FRYL: variants seen among roughly 807,000 people sequenced by gnomAD.
FRYL encodes protein furry homolog-like.
In FRYL, 150 loss-of-function variants were observed where a neutral mutation model predicts 351.2. The ratio of observed to expected loss-of-function variants is 0.43; its 90% CI spans 0.37 to 0.49. The LOEUF is 0.49. FRYL is among the 20% of genes least tolerant of loss of function. The pLI, the probability that FRYL is intolerant of heterozygous loss-of-function variation, is 0.00. For missense variants in FRYL, 3,036 were observed against 3,619.3 expected, an observed-to-expected ratio of 0.84 and a Z score of 4.13; for synonymous variants, 1,153 against 1,257.1, an observed-to-expected ratio of 0.92 and a Z score of 1.75.
intron 3 of FRYL, among the ~76,000 whole-genome samples, chr4:48,675,175 G>C (rs1268949138): frequency 6.6e-6 from 1 of 152,172 alleles, no homozygotes; most frequent in Non-Finnish European, 1.5e-5. Context: ...GTGACAGCGC[G>C]CTGGCAGTCC....
chr4:48,536,227 T>C (rs1372459122), intron 47 of FRYL, among the ~76,000 whole-genome samples: 2 of 152,140 alleles, frequency 1.3e-5, no homozygotes, highest in Non-Finnish European at 2.9e-5. Flanking sequence ...GGCTCCGAGC[T>C]GCTGTGACTG....
chr4:48,517,953 C>T (rs560149959), intron 55 of FRYL, among the ~76,000 whole-genome samples: 16 of 152,106 alleles, frequency 1.1e-4, no homozygotes, highest in African/African-American at 3.9e-4. Context: ...TCTACTTTTT[C>T]TTTTGGTACA....
At chr4:48,682,981 C>A (rs761602739) in intron 3 of FRYL, among the ~76,000 whole-genome samples, 3 of 152,086 alleles carry the variant, frequency 2.0e-5, no homozygotes, top group Admixed American at 6.6e-5. Context: ...ATGTATATTG[C>A]GGCACTGTTC....
chr4:48,673,243 T>C (rs775199143), intron 3 of FRYL, among the ~76,000 whole-genome samples: 1 of 152,370 alleles, frequency 6.6e-6, no homozygotes, highest in South Asian at 2.1e-4. Context: ...CAACTGATCA[T>C]TAAAGACAGT....
intron 6 of FRYL, among the ~76,000 whole-genome samples, chr4:48,619,697 T>C (rs1750264938): frequency 6.6e-6 from 1 of 152,028 alleles, no homozygotes; most frequent in South Asian, 2.1e-4. Context: ...AGAAGGGATC[T>C]CCCTATATTG....
intron 3 of FRYL, among the ~76,000 whole-genome samples, chr4:48,643,004 T>C (rs1249657013): frequency 4.6e-5 from 7 of 152,252 alleles, no homozygotes; most frequent in East Asian, 1.9e-4. Flanking sequence ...GCAACAAGAA[T>C]GTTGTTTTCA....
Position 48,583,915 on chromosome 4 carries a change from GA to G in FRYL, c.1749-1182del, listed in dbSNP as rs1201038394. On this transcript the variant is annotated intron_variant, in intron 19 of 63. Coordinates refer to ENST00000358350, the MANE Select transcript of FRYL (RefSeq NM_015030.2). ...GCAAGACATCATCTCAAAAAAAAAA[GA>G]AAAAAAAAAATGTGTTGACTCTGCA... Among the ~76,000 whole-genome samples, 270 of 141,474 alleles carry G rather than the reference GA, an allele frequency of 1.9e-3. 1 individual carries two copies. Among genetic ancestry groups the G allele is most frequent in the Middle Eastern group, 7.0e-3 (2 of 286 alleles). 92.8% of individuals were successfully genotyped at this position (141,474 alleles called of 152,430 possible). A position where few individuals can be genotyped will look rare whatever the true frequency, so the allele number is the denominator to read the frequency against.
At chr4:48,737,412 A>G (rs1771570836) in intron 1 of FRYL, among the ~76,000 whole-genome samples, 1 of 152,174 alleles carries the variant, frequency 6.6e-6, no homozygotes. Flanking sequence ...GAAAGCCATA[A>G]TCTACCAAAA....
chr4:48,737,866 G>A (rs1350730825), intron 1 of FRYL, among the ~76,000 whole-genome samples: 1 of 152,198 alleles, frequency 6.6e-6, no homozygotes, highest in Non-Finnish European at 1.5e-5. Flanking sequence ...TAAGTCATGT[G>A]ATCATATAAA....
rs1756133820 is a variant in FRYL, at chr4:48,645,124, T to TATATATATATATATATATA, written c.-80-10635_-80-10634insTATATATATATATATATAT. ...ATTAAACCAGCAGTGAGCTTTCATT[T>TATATATATATATATATATA]TATATATATATATATATATATATAT... On this transcript the variant is annotated intron_variant, in intron 3 of 63. Transcript: ENST00000358350. Among the ~76,000 whole-genome samples, 35 of 105,468 alleles carry TATATATATATATATATATA rather than the reference T, an allele frequency of 3.3e-4. 1 individual carries two copies. The highest frequency in any genetic ancestry group is 6.8e-4 in the African/African-American group (22 of 32,504). The allele number at this position is 105,468 out of a possible 152,430, so 69.2% of individuals were successfully genotyped here.
chr4:48,601,994 A>AT (rs1176865979), intron 13 of FRYL, 26 bp downstream of exon 13: 22 of 1,261,956 alleles, frequency 1.7e-5, no homozygotes, highest in Non-Finnish European at 2.4e-5. Flanking sequence ...CAGTATTTAC[A>AT]TATCAGAAGT....
intron 3 of FRYL, among the ~76,000 whole-genome samples, chr4:48,643,948 A>AT (rs879512102): frequency 5.7e-4 from 84 of 147,688 alleles, no homozygotes; most frequent in African/African-American, 9.4e-4. Flanking sequence ...TCCAACTAAA[A>AT]TTTTTTTTTT....
At chr4:48,505,111 A>T (rs530856828) in intron 60 of FRYL, among the ~76,000 whole-genome samples, 1 of 152,304 alleles carries the variant, frequency 6.6e-6, no homozygotes, top group African/African-American at 2.4e-5. Flanking sequence ...CCTTATATTA[A>T]AGAAAAACAT....
chr4:48,646,853 T>C (rs1002844091), intron 3 of FRYL, among the ~76,000 whole-genome samples: 11 of 152,086 alleles, frequency 7.2e-5, no homozygotes, highest in African/African-American at 2.7e-4. Flanking sequence ...AGATGGTACC[T>C]AGAGAATATG....
chr4:48,726,330 G>C (rs1397543959), intron 1 of FRYL, among the ~76,000 whole-genome samples: 3 of 152,198 alleles, frequency 2.0e-5, no homozygotes, highest in African/African-American at 7.2e-5. Context: ...GTTGAAGTTA[G>C]ACACAGTCAT....
chr4:48,640,590 T>C lies in FRYL; in HGVS notation c.-80-6100A>G, dbSNP rs140838560. 4.0e-3 allele frequency among the ~76,000 whole-genome samples: 608 copies of C among 152,250 alleles called. 1 individual carries two copies. The highest frequency in any genetic ancestry group is 6.4e-3 in the Non-Finnish European group (436 of 68,000). The stretch of plus-strand genomic sequence containing the variant: ...TATGGTGGATACATGTCATTATACA[T>C]CTGTCAAAACCTACAGAATGTGCAA... On this transcript the variant is annotated intron_variant, in intron 3 of 63. Transcript: ENST00000358350.
Position 48,752,051 on chromosome 4 carries a change from G to A in FRYL, c.-384+28027C>T, listed in dbSNP as rs767448883. Among the ~76,000 whole-genome samples, 13 of 152,250 alleles carry A rather than the reference G, an allele frequency of 8.5e-5. No individual in the cohort carries two copies. The South Asian group carries it at 1.0e-3, about 12-fold the overall frequency. ...AATGATAAGATGAGAGATCTGATGC[G>A]GGGTGTGGGGGATTTGCCATAAAGA... On this transcript the variant is annotated intron_variant, in intron 1 of 63. Coordinates refer to ENST00000358350, the MANE Select transcript of FRYL (RefSeq NM_015030.2).
At chr4:48,709,034 G>A (rs1767721507) in intron 2 of FRYL, among the ~76,000 whole-genome samples, 1 of 151,090 alleles carries the variant, frequency 6.6e-6, no homozygotes, top group African/African-American at 2.4e-5. Context: ...CCATTCTCCT[G>A]CCTCAGCCTC....
intron 10 of FRYL, among the ~76,000 whole-genome samples, 200 bp from the exon 11 acceptor site, chr4:48,606,033 A>T: frequency 6.7e-6 from 1 of 149,568 alleles, no homozygotes. Flanking sequence ...AGGCGGGCAG[A>T]TCACCTGAGG....
Sources: allele counts gnomAD v4.1 joint callset (sites outside exome capture counted in the v4.1 genomes callset), GRCh38; gene constraint gnomAD v4.1.1; transcripts MANE v1.5; gene names NCBI Gene and HGNC (gene_info 2026-07-23, HGNC 2026-07-21).